The following ACCSL variants were observed in gnomAD, a reference collection of about 807,000 sequenced individuals.
ACCSL encodes 1-aminocyclopropane-1-carboxylate synthase homolog (inactive) like, also known as probable inactive 1-aminocyclopropane-1-carboxylate synthase-like protein 2.
In ACCSL, 55 loss-of-function variants were observed where a neutral mutation model predicts 61.7. The ratio of observed to expected loss-of-function variants is 0.89; its 90% CI spans 0.72 to 1.12. The LOEUF (loss-of-function observed/expected upper bound fraction) is 1.12, where lower values mean the gene tolerates loss of function less well. Ranked by LOEUF, ACCSL falls within the 50% of genes most tolerant of loss-of-function variation. The pLI, the probability that ACCSL is intolerant of heterozygous loss-of-function variation, is 0.00. For synonymous variants in ACCSL, 258 were observed against 264.3 expected (o/e 0.98, Z 0.23); for missense variants, 632 against 698.0 (o/e 0.91, Z 1.07).
rs1403509619 is a variant in ACCSL, at chr11:44,052,760, G to A, written c.870+1G>A. The A allele has an allele frequency of 6.2e-7, 1 of 1,613,894 alleles. No individual in the cohort carries two copies. The highest frequency in any genetic ancestry group is 1.7e-5 in the Admixed American group (1 of 60,018). The stretch of plus-strand genomic sequence containing the variant: ...GATTCCTGTCCACCTGGAGAGTGAG[G>A]TCTGAATGGGGCCCCTTCCCTGCTC... On this transcript the variant is annotated splice_donor_variant, in intron 6 of 13. Transcript: ENST00000378832. LOFTEE classifies it high-confidence loss of function.
chr11:43,999,462 G>C, the ACCSL span, among the ~76,000 whole-genome samples: 3 of 152,130 alleles, frequency 2.0e-5, no homozygotes, highest in African/African-American at 7.2e-5. Context: ...TCTAGTGTTG[G>C]TGGAATTTAG....
the ACCSL span, among the ~76,000 whole-genome samples, chr11:43,934,007 A>T: frequency 6.6e-6 from 1 of 151,902 alleles, no homozygotes; most frequent in Non-Finnish European, 1.5e-5. Context: ...GGGGCGGGGC[A>T]CTGGAAACTG....
chr11:43,945,644 GAC>G, the ACCSL span: 1 of 144,154 alleles, frequency 6.9e-6, no homozygotes, highest in Non-Finnish European at 1.5e-5. Flanking sequence ...AGGAGTTCGA[GAC>G]CAGCCTGGGC....
At chr11:43,926,953 C>T in the ACCSL span, among the ~76,000 whole-genome samples, 1 of 152,232 alleles carries the variant, frequency 6.6e-6, no homozygotes, top group Non-Finnish European at 1.5e-5. Flanking sequence ...TGCCATGTAG[C>T]CCAGCCTGGT....
chr11:43,952,288 A>G, the ACCSL span, among the ~76,000 whole-genome samples: 3 of 152,076 alleles, frequency 2.0e-5, no homozygotes, highest in Non-Finnish European at 2.9e-5. Flanking sequence ...TGTGTACTCA[A>G]TGTTTAGTGC....
chr11:43,931,639 G>T, the ACCSL span, among the ~76,000 whole-genome samples: 1 of 152,180 alleles, frequency 6.6e-6, no homozygotes, highest in Non-Finnish European at 1.5e-5. Context: ...GGAGATAGTC[G>T]TACTGCTCTG....
the ACCSL span, among the ~76,000 whole-genome samples, chr11:44,026,298 A>C: frequency 1.3e-5 from 2 of 151,810 alleles, no homozygotes; most frequent in Non-Finnish European, 2.9e-5. Context: ...TATCTGTTCA[A>C]TTCTACTGTT....
chr11:43,937,932 G>A, the ACCSL span, among the ~76,000 whole-genome samples: 5 of 152,180 alleles, frequency 3.3e-5, no homozygotes, highest in South Asian at 2.1e-4. Context: ...TATCTTTAAC[G>A]TGAGAGTTCC....
chr11:43,970,125 G>T, the ACCSL span, among the ~76,000 whole-genome samples: 2 of 152,076 alleles, frequency 1.3e-5, no homozygotes, highest in Non-Finnish European at 2.9e-5. Context: ...GGACCATCCT[G>T]GGCAACATAG....
At chr11:43,969,477 G>A in the ACCSL span, among the ~76,000 whole-genome samples, 1 of 152,202 alleles carries the variant, frequency 6.6e-6, no homozygotes, top group Non-Finnish European at 1.5e-5. Flanking sequence ...TAGTGAGGTA[G>A]TATATGCAAA....
chr11:44,050,749 A>G lies in ACCSL; in HGVS notation c.635+127A>G, dbSNP rs574947787. ...TCTCTTTGGGTAATAACTTCTAGAA[A>G]ATGCCTAGAGCAAAACTTCATCAGG... On this transcript the variant is annotated intron_variant, in intron 3 of 13. Transcript: ENST00000378832. 4.3e-4 allele frequency: 343 copies of G among 805,018 alleles called. 1 individual carries two copies. The African/African-American group carries it at 5.5e-3, about 13-fold the overall frequency. 49.9% of individuals were successfully genotyped at this position (805,018 alleles called of 1,614,324 possible). A position where few individuals can be genotyped will look rare whatever the true frequency, so the allele number is the denominator to read the frequency against.
the ACCSL span, among the ~76,000 whole-genome samples, chr11:44,019,526 G>A: frequency 6.6e-6 from 1 of 152,054 alleles, no homozygotes; most frequent in Non-Finnish European, 1.5e-5. Flanking sequence ...TCATGGGCTT[G>A]TTGGCACATT....
At chr11:44,002,304 C>A in the ACCSL span, among the ~76,000 whole-genome samples, 1 of 152,110 alleles carries the variant, frequency 6.6e-6, no homozygotes, top group African/African-American at 2.4e-5. Context: ...CCTTCAGATG[C>A]CACCTCGCCC....
chr11:43,935,551 A>G, the ACCSL span, among the ~76,000 whole-genome samples: 2 of 152,268 alleles, frequency 1.3e-5, no homozygotes, highest in African/African-American at 4.8e-5. Flanking sequence ...CTGGAAGGAC[A>G]CAGTGAGGAC....
chr11:43,928,570 C>T, the ACCSL span, among the ~76,000 whole-genome samples: 1 of 152,156 alleles, frequency 6.6e-6, no homozygotes, highest in Non-Finnish European at 1.5e-5. Context: ...AGGATCGCTG[C>T]CTCCCTTGGT....
chr11:43,987,054 C>A, the ACCSL span, among the ~76,000 whole-genome samples: 1 of 152,172 alleles, frequency 6.6e-6, no homozygotes, highest in Non-Finnish European at 1.5e-5. Context: ...GCCTGGGACC[C>A]TGGCTGCTCT....
chr11:44,050,205 G>T, intron 2 of ACCSL, 84 bp downstream of exon 2: 2 of 1,155,580 alleles, frequency 1.7e-6, no homozygotes. Context: ...GTAGATACAG[G>T]GGTGAGACAT....
At chr11:43,970,484 G>A in the ACCSL span, among the ~76,000 whole-genome samples, 2 of 152,182 alleles carry the variant, frequency 1.3e-5, no homozygotes, top group Non-Finnish European at 2.9e-5. Flanking sequence ...GATTACAGAC[G>A]TGGGCAACCA....
chr11:44,019,739 G>A, the ACCSL span, among the ~76,000 whole-genome samples: 1 of 152,142 alleles, frequency 6.6e-6, no homozygotes, highest in Admixed American at 6.5e-5. Flanking sequence ...AAGCACAGAA[G>A]TTTCTAGTGT....
Sources: gnomAD v4.1 joint callset for allele counts (sites outside exome capture counted in the v4.1 genomes callset) on GRCh38, gnomAD v4.1.1 for gene constraint, MANE v1.5 for transcripts, NCBI Gene and HGNC (gene_info 2026-07-23, HGNC 2026-07-21) for gene names.